Variants in RBMS1 observed in about 807,000 individuals in gnomAD.
RBMS1 encodes the protein RNA-binding motif, single-stranded-interacting protein 1.
RBMS1 carries 17 observed loss-of-function variants against 62.3 expected under a neutral mutation model. The observed-to-expected ratio is 0.27, with a 90% CI of 0.19 to 0.41. RBMS1 has a LOEUF of 0.41. Ranked by LOEUF, RBMS1 falls within the 10% of genes least tolerant of loss-of-function variation. The pLI is 1.00. For missense variants in RBMS1, 334 were observed against 504.5 expected (o/e 0.66, Z 3.24); for synonymous variants, 172 against 170.0 (o/e 1.01, Z -0.09).
intron 1 of RBMS1, among the ~76,000 whole-genome samples, chr2:160,463,510 G>A (rs560791427): frequency 2.6e-5 from 4 of 152,294 alleles, no homozygotes; most frequent in African/African-American, 4.8e-5. Flanking sequence ...GCGGCCGGGC[G>A]CGGTGGCTCA....
chr2:160,411,808 A>T (rs73002657), intron 1 of RBMS1, among the ~76,000 whole-genome samples: 3,790 of 152,350 alleles, frequency 0.025, 157 homozygotes, highest in African/African-American at 0.082. Context: ...GATGCTGAAC[A>T]TCAAAGAACA....
intron 1 of RBMS1, among the ~76,000 whole-genome samples, chr2:160,467,721 C>T (rs955686835): frequency 6.6e-6 from 1 of 152,024 alleles, no homozygotes; most frequent in African/African-American, 2.4e-5. Context: ...GTCTATGTAC[C>T]ACTAATAAAT....
intron 1 of RBMS1, among the ~76,000 whole-genome samples, chr2:160,421,553 G>A (rs994374186): frequency 1.3e-5 from 2 of 152,158 alleles, no homozygotes; most frequent in Admixed American, 1.3e-4. Flanking sequence ...ATCATTGATG[G>A]ACATTTGGGT....
intron 1 of RBMS1, among the ~76,000 whole-genome samples, chr2:160,451,825 G>A (rs1212099104): frequency 2.0e-5 from 3 of 152,058 alleles, no homozygotes; most frequent in Non-Finnish European, 4.4e-5. Context: ...GGCCAGGCTG[G>A]TCTTGAACTC....
intron 1 of RBMS1, among the ~76,000 whole-genome samples, chr2:160,471,802 G>C (rs1019984994): frequency 2.0e-5 from 3 of 149,076 alleles, no homozygotes; most frequent in Non-Finnish European, 4.5e-5. Context: ...AGAAAGTAAA[G>C]GACAAAAAGT....
At chr2:160,318,072 A>G (rs1690324601) in intron 3 of RBMS1, 97 bp downstream of exon 3, 2 of 1,520,206 alleles carry the variant, frequency 1.3e-6, no homozygotes, top group Admixed American at 2.2e-5. Flanking sequence ...CTGGTTTTTA[A>G]TAAAACGAAG....
chr2:160,347,339 G>A (rs1692242377), intron 2 of RBMS1, among the ~76,000 whole-genome samples: 1 of 152,056 alleles, frequency 6.6e-6, no homozygotes, highest in African/African-American at 2.4e-5. Context: ...ATACAACCTT[G>A]CCAAAACACA....
chr2:160,371,575 A>G (rs778229350), intron 1 of RBMS1, among the ~76,000 whole-genome samples: 4 of 152,234 alleles, frequency 2.6e-5, no homozygotes, highest in Non-Finnish European at 5.9e-5. Flanking sequence ...TAATATTTAT[A>G]TGGGCTTAAT....
At chr2:160,316,121 A>G (rs1350325379) in intron 3 of RBMS1, among the ~76,000 whole-genome samples, 3 of 152,298 alleles carry the variant, frequency 2.0e-5, no homozygotes, top group Middle Eastern at 3.4e-3. Flanking sequence ...CTATATGCCT[A>G]TCTATCTACC....
intron 1 of RBMS1, among the ~76,000 whole-genome samples, chr2:160,381,042 T>A (rs1458358042): frequency 6.6e-6 from 1 of 152,236 alleles, no homozygotes; most frequent in Non-Finnish European, 1.5e-5. Flanking sequence ...CATAAAATCC[T>A]GGAGAGGTTA....
chr2:160,469,816 GAAATA>G (rs1482163753), intron 1 of RBMS1, among the ~76,000 whole-genome samples: 2 of 152,128 alleles, frequency 1.3e-5, no homozygotes, highest in African/African-American at 2.4e-5. Flanking sequence ...TCAAAAAGCT[GAAATA>G]AAATAAAGGA....
chr2:160,440,709 T>A (rs1008131838), intron 1 of RBMS1, among the ~76,000 whole-genome samples: 3 of 152,190 alleles, frequency 2.0e-5, no homozygotes, highest in African/African-American at 7.2e-5. Context: ...TCTGTAACAT[T>A]CTTTCTAGGG....
chr2:160,484,411 C>G (rs971231915), intron 1 of RBMS1, among the ~76,000 whole-genome samples: 5 of 150,874 alleles, frequency 3.3e-5, no homozygotes, highest in African/African-American at 9.8e-5. Context: ...AGGAGAATGG[C>G]GTGAACCCGG....
At position 160,303,446 on chromosome 2, in the gene RBMS1, C is replaced by A. The variant is rs1689322870; in HGVS notation, c.444G>T (p.Leu148Phe). ...GTTCTTGCTCATCCATGGAGAGTGG[C>A]AAATTAGAAATGTAGAGGTTGGTAG... Reference protein sequence around the residue: ...QDPTNLYISNLPLSMDEQELE... With the variant: ...QDPTNLYISNFPLSMDEQELE... Residue 148 changes from leucine (L) to phenylalanine (F), a missense_variant, in exon 5 of 14, where the codon TTG (leucine) becomes TTT (phenylalanine). Around this residue, in one of 3 missense-constraint regions of RBMS1, gnomAD observed 150 missense variants for 228.0 expected, o/e 0.66. Transcript: ENST00000348849. 6.2e-7 allele frequency: 1 copy of A among 1,612,958 alleles called. No individual in the cohort carries two copies. Among genetic ancestry groups the A allele is most frequent in the African/African-American group, 1.3e-5 (1 of 74,926 alleles).
At chr2:160,324,895 TATATATATATATACAC>T (rs1229159588) in intron 2 of RBMS1, among the ~76,000 whole-genome samples, 9 of 117,494 alleles carry the variant, frequency 7.7e-5, no homozygotes, top group South Asian at 2.8e-4. Context: ...TATATATATA[TATATATATATATACAC>T]ACACACACAC....
chr2:160,411,411 T>G (rs1054909002), intron 1 of RBMS1, among the ~76,000 whole-genome samples: 1 of 152,166 alleles, frequency 6.6e-6, no homozygotes, highest in African/African-American at 2.4e-5. Context: ...GAGTAGAGCA[T>G]GCCAGGAGTG....
At chr2:160,454,206 T>C (rs1684113999) in intron 1 of RBMS1, among the ~76,000 whole-genome samples, 1 of 152,172 alleles carries the variant, frequency 6.6e-6, no homozygotes, top group Non-Finnish European at 1.5e-5. Context: ...TCATGAGAGG[T>C]AGACTGTTTA....
At chr2:160,304,823 A>AG (rs1465616591) in intron 4 of RBMS1, among the ~76,000 whole-genome samples, 2 of 152,208 alleles carry the variant, frequency 1.3e-5, no homozygotes, top group Non-Finnish European at 2.9e-5. Context: ...ATAAAGTAAA[A>AG]AAGTTACAAT....
intron 2 of RBMS1, among the ~76,000 whole-genome samples, chr2:160,350,099 G>A (rs1692413517): frequency 6.6e-6 from 1 of 152,000 alleles, no homozygotes; most frequent in Non-Finnish European, 1.5e-5. Context: ...GACAGTAAGG[G>A]GAGATAAAGT....
Sources: gnomAD v4.1 joint callset for allele counts (sites outside exome capture counted in the v4.1 genomes callset) on GRCh38, gnomAD v4.1.1 for gene constraint, gnomAD v4.1.1 regional missense constraint, MANE v1.5 for transcripts, NCBI Gene and HGNC (gene_info 2026-07-23, HGNC 2026-07-21) for gene names.